Variants in NAB1 observed in about 807,000 individuals in gnomAD.
NAB1 encodes NGFI-A binding protein 1.
Under a neutral mutation model 49.9 loss-of-function variants are expected in NAB1, and 25 were observed. That is an observed-to-expected ratio of 0.50 (90% CI 0.37 to 0.70). The LOEUF (loss-of-function observed/expected upper bound fraction) is 0.70. Ranked by LOEUF, NAB1 falls within the 30% of genes least tolerant of loss-of-function variation. The probability of loss-of-function intolerance (pLI) is 0.00; values close to 1 mark genes in which losing one functional copy is unlikely to be tolerated. For missense variants in NAB1, 489 were observed against 575.9 expected (o/e 0.85, Z 1.54); for synonymous variants, 198 against 215.6 (o/e 0.92, Z 0.71).
chr2:190,668,061 A>G (rs1482908698), intron 4 of NAB1, among the ~76,000 whole-genome samples: 1 of 152,202 alleles, frequency 6.6e-6, no homozygotes, highest in Non-Finnish European at 1.5e-5. Flanking sequence ...ATGCTGTTTT[A>G]GAAATATAAA....
Position 190,685,522 on chromosome 2 carries a change from A to G in NAB1, c.1142A>G (p.Gln381Arg), listed in dbSNP as rs994242632. The G allele has an allele frequency of 5.6e-6, 9 of 1,613,670 alleles. No homozygotes were observed. The Admixed American group carries it at 1.3e-4, about 24-fold the overall frequency. ...MAKQMEFLCN[Q>R]AGYERLQHAE... The stretch of plus-strand genomic sequence containing the variant: ...AAGCAGATGGAGTTCCTTTGCAACC[A>G]AGCTGGCTATGAGAGACTGCAGCAT... The change falls in exon 8 of 10, where the codon CAA (glutamine) becomes CGA (arginine). Residue 381 changes from glutamine (Q) to arginine (R), a missense_variant. This residue lies in a region of NAB1 where 212 missense variants were observed against 199.3 expected (regional missense o/e 1.06). Transcript: ENST00000337386. This position sits in a 1 kb window ranked among gnomAD's most constrained non-coding sequence, Gnocchi z 4.5.
Position 190,692,085 on chromosome 2 carries a change from T to C in NAB1, c.*1752T>C, listed in dbSNP as rs1695958829. On this transcript the variant is annotated 3_prime_UTR_variant, in exon 10 of 10. Transcript: ENST00000337386. This position sits in a 1 kb window ranked among gnomAD's most constrained non-coding sequence, Gnocchi z 5.2. Reference sequence around the variant, plus strand: ...GTTGCTAGCTTGAGGTTGATTATTGTGGTTGTATTGTTCACTGTGTGTAGA... The same window carrying C: ...GTTGCTAGCTTGAGGTTGATTATTGCGGTTGTATTGTTCACTGTGTGTAGA... 6.6e-6 allele frequency: 1 copy of C among 151,942 alleles called. No homozygotes were observed. The highest frequency in any genetic ancestry group is 1.5e-5 in the Non-Finnish European group (1 of 67,952). The allele number at this position is 151,942 out of a possible 1,614,324, so 9.4% of individuals were successfully genotyped here. A position where few individuals can be genotyped will look rare whatever the true frequency, so the allele number is the denominator to read the frequency against.
chr2:190,688,572 G>A (rs1308680299), intron 9 of NAB1, among the ~76,000 whole-genome samples: 2 of 152,112 alleles, frequency 1.3e-5, no homozygotes, highest in Non-Finnish European at 2.9e-5. Flanking sequence ...AACAAAAAAC[G>A]ACTTTTTACC....
intron 3 of NAB1, among the ~76,000 whole-genome samples, chr2:190,658,844 A>G (rs1028596597): frequency 1.3e-5 from 2 of 152,200 alleles, no homozygotes; most frequent in Admixed American, 6.5e-5. Context: ...CCTGCGTCCA[A>G]ACCTTGGCAG....
Position 190,666,505 on chromosome 2 carries a change from G to A in NAB1, c.820-3821G>A, listed in dbSNP as rs1694527284. On this transcript the variant is annotated intron_variant, in intron 4 of 9. Transcript: ENST00000337386. The surrounding 1 kb of genome is among the most constrained non-coding windows in gnomAD (Gnocchi z 5.6). ...GTGGATTGCTTGAGGTCAGGAGTTC[G>A]AGACCAGCCTGGCCAACATGATGAA... 6.6e-6 allele frequency among the ~76,000 whole-genome samples: 1 copy of A among 152,082 alleles called. No individual in the cohort carries two copies. Among genetic ancestry groups the A allele is most frequent in the Non-Finnish European group, 1.5e-5 (1 of 68,012 alleles).
At position 190,684,387 on chromosome 2, in the gene NAB1, C is replaced by G. The variant is rs1241229438; in HGVS notation, c.1095+560C>G. On this transcript the variant is annotated intron_variant, in intron 7 of 9. Coordinates refer to ENST00000337386, the MANE Select transcript of NAB1 (RefSeq NM_005966.4). The surrounding 1 kb of genome is among the most constrained non-coding windows in gnomAD (Gnocchi z 4.6). Reference sequence around the variant, plus strand: ...ACTGTAAACTTTTATTCCTATTGAACAGCTTCTTTGTAATAAGTTGCTTTT... The same window carrying G: ...ACTGTAAACTTTTATTCCTATTGAAGAGCTTCTTTGTAATAAGTTGCTTTT... Among the ~76,000 whole-genome samples the G allele has an allele frequency of 1.3e-5, 2 of 152,152 alleles. No individual in the cohort carries two copies. The highest frequency in any genetic ancestry group is 2.9e-5 in the Non-Finnish European group (2 of 68,018).
chr2:190,680,029 G>A lies in NAB1; in HGVS notation c.1006-3709G>A, dbSNP rs77064192. On this transcript the variant is annotated intron_variant, in intron 6 of 9. Coordinates refer to ENST00000337386, the MANE Select transcript of NAB1 (RefSeq NM_005966.4). The surrounding 1 kb of genome is among the most constrained non-coding windows in gnomAD (Gnocchi z 5.2). The stretch of plus-strand genomic sequence containing the variant: ...TCTTGAGTTCCTTATTCTAGAGAAT[G>A]TCATAACCAAACTCTCAGTTGCCTT... 0.012 allele frequency among the ~76,000 whole-genome samples: 1,782 copies of A among 152,262 alleles called. 27 individuals are homozygous for A. The highest frequency in any genetic ancestry group is 0.055 in the South Asian group (266 of 4,818).
rs578075650 is a variant in NAB1, at chr2:190,684,727, G to A, written c.1096-749G>A. 6.6e-6 allele frequency among the ~76,000 whole-genome samples: 1 copy of A among 152,162 alleles called. No homozygotes were observed. Among genetic ancestry groups the A allele is most frequent in the East Asian group, 1.9e-4 (1 of 5,182 alleles). On this transcript the variant is annotated intron_variant, in intron 7 of 9. Coordinates refer to ENST00000337386, the MANE Select transcript of NAB1 (RefSeq NM_005966.4). The surrounding 1 kb of genome is among the most constrained non-coding windows in gnomAD (Gnocchi z 4.6). ...GTAGTGATTCATATCTGTGCATTTT[G>A]ACTATTATCTCCTTGGCAAAATACC...
chr2:190,660,628 C>T (rs1694174214), intron 4 of NAB1, among the ~76,000 whole-genome samples: 1 of 152,116 alleles, frequency 6.6e-6, no homozygotes, highest in Non-Finnish European at 1.5e-5. Context: ...GGCATTTACT[C>T]CTTTTCTTGT....
chr2:190,650,911 AT>A (rs980133223), intron 2 of NAB1, among the ~76,000 whole-genome samples: 80 of 152,318 alleles, frequency 5.3e-4, no homozygotes, highest in African/African-American at 1.8e-3. Flanking sequence ...ATATTGGAAC[AT>A]TAGGTCTTGA....
At chr2:190,655,373 T>C (rs537657559) in intron 2 of NAB1, among the ~76,000 whole-genome samples, 6 of 152,290 alleles carry the variant, frequency 3.9e-5, no homozygotes, top group Non-Finnish European at 5.9e-5. Context: ...CCTATAGTGA[T>C]AATTAAAGCC....
In NAB1 at chr2:190,686,592, C is replaced by G. The variant is rs1189939524; in HGVS notation, c.1259-609C>G. On this transcript the variant is annotated intron_variant, in intron 8 of 9. Coordinates refer to ENST00000337386, the MANE Select transcript of NAB1 (RefSeq NM_005966.4). This position sits in a 1 kb window ranked among gnomAD's most constrained non-coding sequence, Gnocchi z 5.5. ...ACCTCTGAGTTGAGGTCTTGTTTAA[C>G]TTCTCCAATTATCCTTAACAGTTAA... Among the ~76,000 whole-genome samples, 1 of 152,140 alleles carries G rather than the reference C, an allele frequency of 6.6e-6. No homozygotes were observed. Among genetic ancestry groups the G allele is most frequent in the Non-Finnish European group, 1.5e-5 (1 of 68,026 alleles).
At position 190,675,003 on chromosome 2, in the gene NAB1, A is replaced by G. The variant is rs1043089490; in HGVS notation, c.1005+1851A>G. On this transcript the variant is annotated intron_variant, in intron 6 of 9. Transcript: ENST00000337386. The surrounding 1 kb of genome is among the most constrained non-coding windows in gnomAD (Gnocchi z 5.2). Reference sequence around the variant, plus strand: ...CTAAAAGGCTACATTGAAAGATGATATAACTAGTGAGATGTTTTATCTCTT... The same window carrying G: ...CTAAAAGGCTACATTGAAAGATGATGTAACTAGTGAGATGTTTTATCTCTT... 6.6e-6 allele frequency among the ~76,000 whole-genome samples: 1 copy of G among 152,234 alleles called. No individual in the cohort carries two copies. Among genetic ancestry groups the G allele is most frequent in the South Asian group, 2.1e-4 (1 of 4,832 alleles).
intron 2 of NAB1, among the ~76,000 whole-genome samples, chr2:190,655,587 G>C (rs1693876170): frequency 6.6e-6 from 1 of 152,174 alleles, no homozygotes; most frequent in African/African-American, 2.4e-5. Context: ...CCAGAGTTTT[G>C]ATAGAATGGT....
At chr2:190,690,019 T>TATATGTATAGTATAC (rs1695862807) in intron 9 of NAB1, among the ~76,000 whole-genome samples, 3 of 151,674 alleles carry the variant, frequency 2.0e-5, no homozygotes, top group African/African-American at 7.2e-5. Context: ...CATCTATACA[T>TATATGTATAGTATAC]ATATGTATAC....
rs1693688768 is a variant in NAB1, at chr2:190,651,918, TGAGCATAATA to T, written c.-197+1939_-197+1948del. Among the ~76,000 whole-genome samples, 1 of 152,234 alleles carries T rather than the reference TGAGCATAATA, an allele frequency of 6.6e-6. No individual in the cohort carries two copies. The highest frequency in any genetic ancestry group is 6.5e-5 in the Admixed American group (1 of 15,278). On this transcript the variant is annotated intron_variant, in intron 2 of 9. Transcript: ENST00000337386. This position sits in a 1 kb window ranked among gnomAD's most constrained non-coding sequence, Gnocchi z 4.3. ...TATTATAGCATAAATAATACCCACT[TGAGCATAATA>T]GAAGATTGCTAGACCCTTTGCTTTG...
In NAB1 at chr2:190,652,338, C is replaced by T. The variant is rs1693709881; in HGVS notation, c.-197+2356C>T. Among the ~76,000 whole-genome samples, 2 of 152,260 alleles carry T rather than the reference C, an allele frequency of 1.3e-5. No homozygotes were observed. Among genetic ancestry groups the T allele is most frequent in the Admixed American group, 1.3e-4 (2 of 15,292 alleles). On this transcript the variant is annotated intron_variant, in intron 2 of 9. Coordinates refer to ENST00000337386, the MANE Select transcript of NAB1 (RefSeq NM_005966.4). This position sits in a 1 kb window ranked among gnomAD's most constrained non-coding sequence, Gnocchi z 4.2. Reference sequence around the variant, plus strand: ...ATAAATATTGCCTGCATACTCTGTGCTCAGTGGGTACTTAATGTTTGTTGA... The same window carrying T: ...ATAAATATTGCCTGCATACTCTGTGTTCAGTGGGTACTTAATGTTTGTTGA...
Position 190,659,819 on chromosome 2 carries a change from TTGAA to T in NAB1, c.648_651del (p.Asn216LysfsTer2). 1 of 1,614,178 alleles carries T rather than the reference TTGAA, an allele frequency of 6.2e-7. No homozygotes were observed. Among genetic ancestry groups the T allele is most frequent in the Non-Finnish European group, 8.5e-7 (1 of 1,180,036 alleles). On this transcript the variant is annotated frameshift_variant, in exon 4 of 10. Coordinates refer to ENST00000337386, the MANE Select transcript of NAB1 (RefSeq NM_005966.4). LOFTEE classifies it high-confidence loss of function. This position sits in a 1 kb window ranked among gnomAD's most constrained non-coding sequence, Gnocchi z 6.2. ...GGCCCCCACACTGCCAAAAAGTGAC[TTGAA>T]TGAAGTGAAAGAGCTGCTAAAAACC...
intron 9 of NAB1, among the ~76,000 whole-genome samples, chr2:190,688,554 C>A (rs1382507020): frequency 6.6e-6 from 1 of 151,114 alleles, no homozygotes; most frequent in African/African-American, 2.4e-5. Context: ...AAAGTTTTTT[C>A]AAAAACGAAC....
Sources: allele counts gnomAD v4.1 joint callset (sites outside exome capture counted in the v4.1 genomes callset), GRCh38; gene constraint gnomAD v4.1.1; regional missense constraint gnomAD v4.1.1; non-coding constraint Gnocchi (gnomAD v3.1); transcripts MANE v1.5; gene names NCBI Gene and HGNC (gene_info 2026-07-23, HGNC 2026-07-21).